The following RALGAPA1 variants were observed in gnomAD, a reference collection of about 807,000 sequenced individuals.
RALGAPA1 encodes the protein Ral GTPase activating protein catalytic subunit alpha 1.
RALGAPA1 carries 52 observed loss-of-function variants against 269.6 expected under a neutral mutation model. That is an observed-to-expected ratio of 0.19 (90% CI 0.15 to 0.24). The LOEUF (loss-of-function observed/expected upper bound fraction) is 0.24, where lower values mean the gene tolerates loss of function less well. RALGAPA1 is among the 10% of genes least tolerant of loss of function. The pLI, the probability that RALGAPA1 is intolerant of heterozygous loss-of-function variation, is 1.00. For missense variants in RALGAPA1, 1,917 were observed against 3,013.9 expected, an observed-to-expected ratio of 0.64 and a Z score of 8.52; for synonymous variants, 817 against 1,008.3, an observed-to-expected ratio of 0.81 and a Z score of 3.60.
At position 35,690,124 on chromosome 14, in the gene RALGAPA1, GA is replaced by G. The variant is rs377666280; in HGVS notation, c.2408-122del. On this transcript the variant is annotated intron_variant, in intron 17 of 41. Transcript: ENST00000680220. Reference sequence around the variant, plus strand: ...AAATCTGAGTTTTTGTAAGCTCAATGAAAAAAAAATCAAAATACAAATCTGC... The same window carrying G: ...AAATCTGAGTTTTTGTAAGCTCAATGAAAAAAAATCAAAATACAAATCTGC... 6.7e-3 allele frequency: 4,472 copies of G among 668,724 alleles called. 149 individuals carry two copies. The African/African-American group carries it at 0.074, about 11-fold the overall frequency. The allele number at this position is 668,724 out of a possible 1,614,324, so 41.4% of individuals were successfully genotyped here. A position where few individuals can be genotyped will look rare whatever the true frequency, so the allele number is the denominator to read the frequency against.
chr14:35,620,401 TATC>T (rs761448883), intron 35 of RALGAPA1, among the ~76,000 whole-genome samples: 2 of 152,064 alleles, frequency 1.3e-5, no homozygotes, highest in Non-Finnish European at 2.9e-5. Flanking sequence ...CCACAGCCAA[TATC>T]ATACTGAATG....
chr14:35,695,938 C>T (rs1434636372), intron 17 of RALGAPA1, among the ~76,000 whole-genome samples: 5 of 152,068 alleles, frequency 3.3e-5, no homozygotes, highest in Non-Finnish European at 7.4e-5. Flanking sequence ...AGTGTACTTG[C>T]CCAGACACCA....
At chr14:35,709,515 C>T (rs555289529) in intron 16 of RALGAPA1, among the ~76,000 whole-genome samples, 15 of 152,124 alleles carry the variant, frequency 9.9e-5, no homozygotes, top group South Asian at 8.3e-4. Flanking sequence ...ACCCAACTTT[C>T]GGTTTTGTTG....
chr14:35,595,886 CAA>C, intron 36 of RALGAPA1, 97 bp from the exon 37 acceptor site: 1 of 953,764 alleles, frequency 1.0e-6, no homozygotes, highest in Middle Eastern at 2.4e-4. Flanking sequence ...AAATTGGGAA[CAA>C]AGTCTTTTGC....
At chr14:35,668,799 T>C (rs1219290720) in intron 26 of RALGAPA1, among the ~76,000 whole-genome samples, 2 of 152,134 alleles carry the variant, frequency 1.3e-5, no homozygotes, top group Non-Finnish European at 2.9e-5. Flanking sequence ...AGCAAGACCC[T>C]GATATCTCAA....
At chr14:35,598,031 GA>G (rs1424586495) in intron 36 of RALGAPA1, among the ~76,000 whole-genome samples, 2 of 152,158 alleles carry the variant, frequency 1.3e-5, no homozygotes, top group Non-Finnish European at 2.9e-5. Flanking sequence ...ATGTAGATTA[GA>G]TCTTGTTGGT....
At chr14:35,636,042 T>C (rs1470908890) in intron 31 of RALGAPA1, among the ~76,000 whole-genome samples, 1 of 152,130 alleles carries the variant, frequency 6.6e-6, no homozygotes, top group Non-Finnish European at 1.5e-5. Flanking sequence ...TTGTTACTCA[T>C]TTTACTAAAT....
In RALGAPA1 at chr14:35,668,688, C is replaced by T. The variant is rs541012411; in HGVS notation, c.5202+2701G>A. 2.6e-5 allele frequency among the ~76,000 whole-genome samples: 4 copies of T among 152,170 alleles called. No homozygotes were observed. The South Asian group carries it at 8.3e-4, about 32-fold the overall frequency. On this transcript the variant is annotated intron_variant, in intron 26 of 41. Coordinates refer to ENST00000680220, the MANE Select transcript of RALGAPA1 (RefSeq NM_001346249.2). ...GGGACTCTAGGTGTGTGCCTATAGTCTCAGCTACTTGGGATCTGTTGTGGG... is the reference window on the plus strand; with the variant it reads ...GGGACTCTAGGTGTGTGCCTATAGTTTCAGCTACTTGGGATCTGTTGTGGG...
intron 4 of RALGAPA1, among the ~76,000 whole-genome samples, chr14:35,763,726 ATAGT>A (rs2073912901): frequency 6.6e-6 from 1 of 151,816 alleles, no homozygotes; most frequent in African/African-American, 2.4e-5. Flanking sequence ...ACCGTAATAA[ATAGT>A]TATTGTTCAT....
At chr14:35,728,637 C>T (rs1249180640) in intron 12 of RALGAPA1, 127 bp from the exon 13 acceptor site, 6 of 1,299,704 alleles carry the variant, frequency 4.6e-6, no homozygotes, top group Non-Finnish European at 5.9e-6. Flanking sequence ...AACATAAACT[C>T]ATTAAACCTA....
chr14:35,575,917 C>CA (rs2057529857), intron 37 of RALGAPA1, among the ~76,000 whole-genome samples: 1 of 152,142 alleles, frequency 6.6e-6, no homozygotes, highest in African/African-American at 2.4e-5. Flanking sequence ...TAAAGAGCTA[C>CA]AATCATTAGA....
rs1348130168 is a variant in RALGAPA1 at position 35,678,026 on chromosome 14, T to A, written c.4548A>T (p.Ile1516=). Residue 1516 remains isoleucine, a synonymous_variant, in exon 22 of 42, where the codon ATA becomes ATT. Transcript: ENST00000680220. ...SQTPSPSTLN[I]DHMEQKDLQL... The stretch of plus-strand genomic sequence containing the variant: ...GCAGATCCTTCTGTTCCATGTGATC[T>A]ATATTCAATGTAGAAGGGGAAGGAG... 1 of 1,613,326 alleles carries A rather than the reference T, an allele frequency of 6.2e-7. No individual in the cohort carries two copies. The highest frequency in any genetic ancestry group is 8.5e-7 in the Non-Finnish European group (1 of 1,179,850).
At position 35,688,728 on chromosome 14, in the gene RALGAPA1, A is replaced by C. The variant is rs2066198536; in HGVS notation, c.3683T>G (p.Val1228Gly). Residue 1228 changes from valine (V) to glycine (G), a missense_variant, in exon 18 of 42, where the codon GTG (valine) becomes GGG (glycine). By Grantham distance (109) the Val-to-Gly change is moderately radical. Transcript: ENST00000680220. ...LGTASVSSKT[V>G]KESTEIPTTI... The stretch of plus-strand genomic sequence containing the variant: ...GGTGGGAATCTCTGTGGATTCCTTC[A>C]CTGTTTTGCTGCTTACTGATGCAGT... 1 of 1,468,936 alleles carries C rather than the reference A, an allele frequency of 6.8e-7. No homozygotes were observed. Among genetic ancestry groups the C allele is most frequent in the Non-Finnish European group, 9.0e-7 (1 of 1,116,846 alleles). The allele number at this position is 1,468,936 out of a possible 1,614,324, so 91.0% of individuals were successfully genotyped here. A position where few individuals can be genotyped will look rare whatever the true frequency, so the allele number is the denominator to read the frequency against.
chr14:35,681,788 T>C (rs910568376), intron 21 of RALGAPA1, among the ~76,000 whole-genome samples: 34 of 152,212 alleles, frequency 2.2e-4, no homozygotes, highest in African/African-American at 7.5e-4. Flanking sequence ...TATGCCCATC[T>C]GTAGTCGATC....
At chr14:35,648,146 A>C (rs971945977) in intron 31 of RALGAPA1, among the ~76,000 whole-genome samples, 5 of 151,334 alleles carry the variant, frequency 3.3e-5, no homozygotes, top group Non-Finnish European at 7.4e-5. Context: ...ACCAAAAAAA[A>C]ACTAGCAAGG....
intron 40 of RALGAPA1, among the ~76,000 whole-genome samples, chr14:35,548,802 T>TGC (rs2054691439): frequency 6.6e-6 from 1 of 152,128 alleles, no homozygotes; most frequent in African/African-American, 2.4e-5. Flanking sequence ...AAGTTCAGAG[T>TGC]GCATGCTTAA....
chr14:35,619,750 G>A (rs1461959148), intron 35 of RALGAPA1, among the ~76,000 whole-genome samples: 1 of 152,188 alleles, frequency 6.6e-6, no homozygotes, highest in Non-Finnish European at 1.5e-5. Flanking sequence ...AAATCTAGAA[G>A]AAATGGATAA....
rs552142393 is a variant in RALGAPA1, at chr14:35,639,115, T to C, written c.5677-3517A>G. ...AAAATAAAGGGATGAAGATGTTCTATGCAAATGGAAACCAAAAAAAGCAGA... is the reference window on the plus strand; with the variant it reads ...AAAATAAAGGGATGAAGATGTTCTACGCAAATGGAAACCAAAAAAAGCAGA... On this transcript the variant is annotated intron_variant, in intron 31 of 41. Transcript: ENST00000680220. Among the ~76,000 whole-genome samples the C allele has an allele frequency of 3.3e-5, 5 of 152,144 alleles. No individual in the cohort carries two copies. In the East Asian group the frequency reaches 7.7e-4, roughly 23 times the overall value.
intron 7 of RALGAPA1, among the ~76,000 whole-genome samples, chr14:35,755,252 T>C (rs1370177376): frequency 1.3e-5 from 2 of 150,696 alleles, no homozygotes; most frequent in Admixed American, 6.6e-5. Context: ...ACTTGGGAGG[T>C]TGAGGTGTCA....
Sources: gnomAD v4.1 joint callset for allele counts (sites outside exome capture counted in the v4.1 genomes callset) on GRCh38, gnomAD v4.1.1 for gene constraint, MANE v1.5 for transcripts, NCBI Gene and HGNC (gene_info 2026-07-23, HGNC 2026-07-21) for gene names.